The following ITGA5 variants were observed in gnomAD, a reference collection of about 807,000 sequenced individuals.
ITGA5 encodes the protein integrin alpha-5.
In ITGA5, 55 loss-of-function variants were observed where a neutral mutation model predicts 146.3. The ratio of observed to expected loss-of-function variants is 0.38; its 90% CI spans 0.30 to 0.47. The LOEUF (loss-of-function observed/expected upper bound fraction) is 0.47. Ranked by LOEUF, ITGA5 falls within the 20% of genes least tolerant of loss-of-function variation. ITGA5 has a pLI of 0.99. For missense variants in ITGA5, 1,131 were observed against 1,329.0 expected (o/e 0.85, Z 2.32); for synonymous variants, 500 against 531.8 (o/e 0.94, Z 0.82).
rs762259854 is a variant in ITGA5, at chr12:54,419,098, G to GGCAGCAGCA, written c.92_100dup (p.Leu31_Leu33dup). 5 of 1,588,956 alleles carry GGCAGCAGCA rather than the reference G, an allele frequency of 3.1e-6. No individual in the cohort carries two copies. Among genetic ancestry groups the GGCAGCAGCA allele is most frequent in the Non-Finnish European group, 4.3e-6 (5 of 1,170,644 alleles). On this transcript the variant is annotated inframe_insertion, in exon 1 of 30. Transcript: ENST00000293379. ...GAAGCCCCCGACCCTGGGTGGCGGC[G>GGCAGCAGCA]GCAGCAGCAGCAACAGCAGCGGCAG...
At position 54,402,851 on chromosome 12, in the gene ITGA5, TACAG is replaced by T. The variant is rs1375477158; in HGVS notation, c.1982+128_1982+131del. The T allele has an allele frequency of 7.6e-5, 52 of 687,874 alleles. No homozygotes were observed. The Middle Eastern group carries it at 1.3e-3, about 17-fold the overall frequency. The allele number at this position is 687,874 out of a possible 1,614,324, so 42.6% of individuals were successfully genotyped here. A position where few individuals can be genotyped will look rare whatever the true frequency, so the allele number is the denominator to read the frequency against. On this transcript the variant is annotated intron_variant, in intron 19 of 29. Transcript: ENST00000293379. The stretch of plus-strand genomic sequence containing the variant: ...GAAATAAATGCTACTATTCCCACTA[TACAG>T]ACAAAGGAGTTAAAGCTCAGAGCAG...
At chr12:54,411,549 TTGTC>T (rs574752751) in intron 2 of ITGA5, among the ~76,000 whole-genome samples, 143 of 152,326 alleles carry the variant, frequency 9.4e-4, no homozygotes, top group African/African-American at 3.3e-3. Context: ...TTCCCTGTCT[TTGTC>T]TGTGTTACGG....
At position 54,409,423 on chromosome 12, in the gene ITGA5, G is replaced by A. The variant is rs949564241; in HGVS notation, c.462+62C>T. 1.4e-5 allele frequency: 22 copies of A among 1,609,816 alleles called. No individual in the cohort carries two copies. Among genetic ancestry groups the A allele is most frequent in the East Asian group, 2.2e-5 (1 of 44,872 alleles). ...GCCCTTCCTCCCTCCCTCCAGGCCC[G>A]GCCTTACCCAACCACTGCCCATCCC... On this transcript the variant is annotated intron_variant, in intron 3 of 29. Transcript: ENST00000293379. The surrounding 1 kb of genome is among the most constrained non-coding windows in gnomAD (Gnocchi z 4.7).
At chr12:54,408,991 T>C (rs1322461541) in intron 4 of ITGA5, 37 bp from the exon 5 acceptor site, 1 of 1,596,326 alleles carries the variant, frequency 6.3e-7, no homozygotes, top group South Asian at 1.1e-5. Context: ...GAGCCCTGCA[T>C]AGATGGGTCA....
chr12:54,410,744 T>G (rs1555165399), intron 2 of ITGA5, among the ~76,000 whole-genome samples: 12 of 151,254 alleles, frequency 7.9e-5, no homozygotes, highest in Non-Finnish European at 1.8e-4. Flanking sequence ...TTTTTTTTCT[T>G]GAGACAGAGT....
chr12:54,401,486 G>A lies in ITGA5; in HGVS notation c.2388-8C>T. On this transcript the variant is annotated splice_region_variant and splice_polypyrimidine_tract_variant and intron_variant, in intron 23 of 29. Transcript: ENST00000293379. This position sits in a 1 kb window ranked among gnomAD's most constrained non-coding sequence, Gnocchi z 5.0. ...GCCTCAGGCTTGGAGACACTAAGGA[G>A]GAGGGTGGTTTAGAGGAGGGTGGAA... The A allele has an allele frequency of 3.1e-6, 5 of 1,590,324 alleles. No individual in the cohort carries two copies. The highest frequency in any genetic ancestry group is 3.4e-6 in the Non-Finnish European group (4 of 1,167,596).
At chr12:54,411,404 T>C (rs754204562) in intron 2 of ITGA5, among the ~76,000 whole-genome samples, 1 of 152,246 alleles carries the variant, frequency 6.6e-6, no homozygotes, top group Non-Finnish European at 1.5e-5. Context: ...CATCCATCTG[T>C]GTCTACTCAG....
chr12:54,401,498 AGAG>A lies in ITGA5; in HGVS notation c.2388-23_2388-21del. The A allele has an allele frequency of 6.2e-7, 1 of 1,610,992 alleles. No homozygotes were observed. On this transcript the variant is annotated intron_variant, in intron 23 of 29. Transcript: ENST00000293379. This position sits in a 1 kb window ranked among gnomAD's most constrained non-coding sequence, Gnocchi z 5.0. ...GAGACACTAAGGAGGAGGGTGGTTT[AGAG>A]GAGGGTGGAAGGAACCCCATATGCA...
chr12:54,418,471 G>A (rs1387938385), intron 1 of ITGA5, among the ~76,000 whole-genome samples: 1 of 151,906 alleles, frequency 6.6e-6, no homozygotes, highest in Non-Finnish European at 1.5e-5. Context: ...TTAACCTTCC[G>A]ACCCCCTCAG....
At chr12:54,408,666 T>C (rs113535846) in intron 6 of ITGA5, 90 bp downstream of exon 6, 19,426 of 1,148,228 alleles carry the variant, frequency 0.017, 560 homozygotes, top group African/African-American at 0.083. Flanking sequence ...GCAGAGGTTG[T>C]GCCACTGCAC....
chr12:54,398,940 A>G (rs1251032048), intron 27 of ITGA5: 3 of 382,266 alleles, frequency 7.8e-6, no homozygotes, highest in South Asian at 8.4e-5. Flanking sequence ...CCTGGGCTCA[A>G]GCAATCCTCC....
At position 54,401,816 on chromosome 12, in the gene ITGA5, C is replaced by T. The variant is rs746271167; in HGVS notation, c.2266G>A (p.Asp756Asn). 6 of 1,614,128 alleles carry T rather than the reference C, an allele frequency of 3.7e-6. No individual in the cohort carries two copies. Among genetic ancestry groups the T allele is most frequent in the South Asian group, 1.1e-5 (1 of 91,088 alleles). The change falls in exon 22 of 30, where the codon GAC (aspartate) becomes AAC (asparagine). Residue 756 changes from aspartate to asparagine, a missense_variant. Physicochemically the swap from Asp to Asn is conservative, Grantham distance 23. This residue lies in a region of ITGA5 where 889 missense variants were observed against 1,021.5 expected (regional missense o/e 0.87). Transcript: ENST00000293379. The surrounding 1 kb of genome is among the most constrained non-coding windows in gnomAD (Gnocchi z 5.0). ...GLRFTVPHLR[D>N]TKKTIQFDFQ... ...TCAAACTGGATGGTTTTCTTAGTGT[C>T]CCGGAGATGAGGGACTGTAAACCGA...
Position 54,404,697 on chromosome 12 carries a change from A to G in ITGA5, c.1417+6T>C, listed in dbSNP as rs775851606. 6.2e-7 allele frequency: 1 copy of G among 1,612,016 alleles called. No individual in the cohort carries two copies. The highest frequency in any genetic ancestry group is 1.1e-5 in the South Asian group (1 of 91,026). On this transcript the variant is annotated splice_donor_region_variant and intron_variant, in intron 13 of 29. Transcript: ENST00000293379. ...AAGGTGAAAAGGGGCCTCAGGCACA[A>G]CTCACCAGGATATCCATTGCCATCC...
Position 54,399,664 on chromosome 12 carries a change from C to G in ITGA5, c.2822G>C (p.Trp941Ser). 6.2e-7 allele frequency: 1 copy of G among 1,613,956 alleles called. No homozygotes were observed. Among genetic ancestry groups the G allele is most frequent in the Non-Finnish European group, 8.5e-7 (1 of 1,179,810 alleles). ...CCTCACCTGCAAGAAAGTCTTGGCC[C>G]AGACTCGGAAATGCAACTGCAGACT... The part of the protein sequence containing the change: ...SQSLQLHFRV[W>S]AKTFLQREHQ... The change falls in exon 27 of 30, where the codon TGG (tryptophan) becomes TCG (serine). Residue 941 changes from tryptophan to serine, a missense_variant. Trp to Ser is a radical substitution (Grantham distance 177). Transcript: ENST00000293379.
At chr12:54,410,006 G>A (rs1408645005) in intron 2 of ITGA5, among the ~76,000 whole-genome samples, 7 of 151,930 alleles carry the variant, frequency 4.6e-5, no homozygotes, top group African/African-American at 1.7e-4. Context: ...ACAGGTGCGC[G>A]TCACCACACC....
chr12:54,405,954 G>A (rs1592288913), intron 9 of ITGA5, 28 bp from the exon 10 acceptor site: 1 of 1,596,322 alleles, frequency 6.3e-7, no homozygotes. Context: ...AGGCCCATTG[G>A]TCCTGGACTC....
chr12:54,419,242 C>T lies in ITGA5; in HGVS notation c.-44G>A. The T allele has an allele frequency of 6.5e-7, 1 of 1,542,626 alleles. No individual in the cohort carries two copies. The highest frequency in any genetic ancestry group is 2.0e-5 in the Admixed American group (1 of 50,908). On this transcript the variant is annotated 5_prime_UTR_variant, in exon 1 of 30. Transcript: ENST00000293379. Reference sequence around the variant, plus strand: ...TCCTGGGGCCACCGACCCGGAGCCGCTTCCTAAACCTCCCAGAGGCGAATG... The same window carrying T: ...TCCTGGGGCCACCGACCCGGAGCCGTTTCCTAAACCTCCCAGAGGCGAATG...
intron 1 of ITGA5, among the ~76,000 whole-genome samples, chr12:54,418,772 TC>T (rs1956040218): frequency 6.6e-6 from 1 of 151,076 alleles, no homozygotes; most frequent in African/African-American, 2.4e-5. Flanking sequence ...CCCACTGATC[TC>T]AAACGCCAGG....
At chr12:54,399,078 C>T (rs547401382) in intron 27 of ITGA5, among the ~76,000 whole-genome samples, 1 of 152,124 alleles carries the variant, frequency 6.6e-6, no homozygotes, top group African/African-American at 2.4e-5. Flanking sequence ...AACTTCTGGG[C>T]TCAAGGGATC....
Sources: gnomAD v4.1 joint callset for allele counts (sites outside exome capture counted in the v4.1 genomes callset) on GRCh38, gnomAD v4.1.1 for gene constraint, gnomAD v4.1.1 regional missense constraint, Gnocchi (gnomAD v3.1) non-coding constraint, MANE v1.5 for transcripts, NCBI Gene and HGNC (gene_info 2026-07-23, HGNC 2026-07-21) for gene names.